Variants in LINGO1 observed in about 807,000 individuals in gnomAD.
LINGO1 encodes the protein leucine rich repeat and Ig domain containing 1.
In LINGO1, 11 loss-of-function variants were observed where a neutral mutation model predicts 37.3. The ratio of observed to expected loss-of-function variants is 0.29; its 90% CI spans 0.19 to 0.49. The LOEUF (loss-of-function observed/expected upper bound fraction) is 0.49. Among genes scored for constraint, LINGO1 ranks in the 20% least tolerant of loss-of-function variants. The pLI, the probability that LINGO1 is intolerant of heterozygous loss-of-function variation, is 0.99. For missense variants in LINGO1, 585 were observed against 878.2 expected (o/e 0.67, Z 4.22); for synonymous variants, 387 against 403.0 (o/e 0.96, Z 0.48).
chr15:77,711,354 G>C (rs767341635), intron 2 of LINGO1, among the ~76,000 whole-genome samples: 1 of 152,214 alleles, frequency 6.6e-6, no homozygotes, highest in Non-Finnish European at 1.5e-5. Context: ...CTGTGTCCCC[G>C]ACATTGAAGA....
chr15:77,721,345 C>G (rs2076048035), intron 2 of LINGO1, among the ~76,000 whole-genome samples: 1 of 152,100 alleles, frequency 6.6e-6, no homozygotes, highest in Non-Finnish European at 1.5e-5. Flanking sequence ...GCCCCTCTTC[C>G]CCCAGCCACT....
At chr15:77,788,917 T>C (rs2076796829), upstream of LINGO1, among the ~76,000 whole-genome samples, 2 of 152,232 alleles carry the variant, frequency 1.3e-5, no homozygotes, top group South Asian at 2.1e-4. Context: ...GTACACACCA[T>C]GTACCATGTT....
At chr15:77,620,467 C>A (rs901652445) in intron 1 of LINGO1, among the ~76,000 whole-genome samples, 1 of 152,210 alleles carries the variant, frequency 6.6e-6, no homozygotes, top group Admixed American at 6.5e-5. Context: ...ACCGGCCACA[C>A]CCTCCTTCAT....
chr15:77,736,985 G>C (rs1481062631), intron 1 of LINGO1, among the ~76,000 whole-genome samples: 1 of 152,160 alleles, frequency 6.6e-6, no homozygotes, highest in East Asian at 1.9e-4. Context: ...ATGCCACGTG[G>C]GGTGTACCCT....
rs996463802 is a variant in LINGO1 at position 77,632,853 on chromosome 15, G to C, written c.-538C>G. On this transcript the variant is annotated 5_prime_UTR_variant, in exon 1 of 2. Coordinates refer to ENST00000355300, the MANE Select transcript of LINGO1 (RefSeq NM_032808.7). The surrounding 1 kb of genome is among the most constrained non-coding windows in gnomAD (Gnocchi z 6.0). Reference sequence around the variant, plus strand: ...GCGCTGTCGCCCGCCGCCCGCTCCGGCTCCCGCGCCGGCTCCCGCTCGGGC... The same window carrying C: ...GCGCTGTCGCCCGCCGCCCGCTCCGCCTCCCGCGCCGGCTCCCGCTCGGGC... 6.7e-6 allele frequency among the ~76,000 whole-genome samples: 1 copy of C among 149,618 alleles called. No homozygotes were observed. Among genetic ancestry groups the C allele is most frequent in the Non-Finnish European group, 1.5e-5 (1 of 67,118 alleles).
intron 1 of LINGO1, among the ~76,000 whole-genome samples, chr15:77,773,425 C>G (rs1320779527): frequency 3.3e-5 from 5 of 152,192 alleles, no homozygotes. Context: ...AGAGTCCCGA[C>G]TTTACAGATG....
chr15:77,807,391 C>A (rs1287985037), intron 1 of LINGO1, among the ~76,000 whole-genome samples: 1 of 152,218 alleles, frequency 6.6e-6, no homozygotes, highest in Non-Finnish European at 1.5e-5. Context: ...ACTGGCCAAC[C>A]TTAATGGAAC....
At chr15:77,747,574 G>C (rs770012516) in intron 1 of LINGO1, among the ~76,000 whole-genome samples, 5 of 152,216 alleles carry the variant, frequency 3.3e-5, no homozygotes, top group Non-Finnish European at 7.3e-5. Flanking sequence ...GAGCTGTAGA[G>C]TGAGCACACT....
In LINGO1 at chr15:77,711,118, G is replaced by A. The variant is rs117474725; in HGVS notation, c.-194-20217C>T. On this transcript the variant is annotated intron_variant, in intron 2 of 3. Coordinates refer to the LINGO1 transcript ENST00000561686. ...CTCTCTGATCCATTTCATTAAACTC[G>A]CACCTCCCTTCAAAACCCAGCTCAA... Among the ~76,000 whole-genome samples the A allele has an allele frequency of 1.8e-3, 276 of 151,996 alleles. 1 individual carries two copies. Among genetic ancestry groups the A allele is most frequent in the Non-Finnish European group, 2.2e-3 (149 of 68,002 alleles).
At chr15:77,674,732 T>C (rs896277740) in intron 3 of LINGO1, among the ~76,000 whole-genome samples, 3 of 151,982 alleles carry the variant, frequency 2.0e-5, no homozygotes, top group African/African-American at 7.2e-5. Context: ...ATGACGACCA[T>C]GTCCAAGTTG....
At chr15:77,649,871 C>T (rs570385508) in intron 3 of LINGO1, among the ~76,000 whole-genome samples, 41 of 151,886 alleles carry the variant, frequency 2.7e-4, no homozygotes, top group African/African-American at 9.2e-4. Flanking sequence ...ATCTTTTCCC[C>T]GCGACTCCTA....
At chr15:77,779,547 T>G (rs2076694350) in intron 1 of LINGO1, among the ~76,000 whole-genome samples, 1 of 151,990 alleles carries the variant, frequency 6.6e-6, no homozygotes, top group South Asian at 2.1e-4. Flanking sequence ...AGGCATTAGA[T>G]TCTCCTAAGG....
intron 1 of LINGO1, among the ~76,000 whole-genome samples, chr15:77,764,732 G>A (rs904008524): frequency 3.3e-5 from 5 of 152,214 alleles, no homozygotes; most frequent in African/African-American, 4.8e-5. Flanking sequence ...GGAAGGTGAT[G>A]CAAGCACTGG....
chr15:77,815,613 T>C (rs747883119), intron 1 of LINGO1, among the ~76,000 whole-genome samples: 6 of 152,146 alleles, frequency 3.9e-5, no homozygotes, highest in African/African-American at 9.7e-5. Context: ...AAGGCCAGTA[T>C]TGGAGGCTGC....
intron 1 of LINGO1, among the ~76,000 whole-genome samples, chr15:77,627,693 C>T (rs2074135831): frequency 6.6e-6 from 1 of 152,212 alleles, no homozygotes; most frequent in Admixed American, 6.5e-5. Context: ...AGGACCACTC[C>T]TTCCCATCCT....
chr15:77,697,473 G>C (rs1336807165), upstream of LINGO1, among the ~76,000 whole-genome samples: 3 of 152,144 alleles, frequency 2.0e-5, no homozygotes, highest in African/African-American at 4.8e-5. Context: ...CCAACTCCAG[G>C]ACAGGTCAGA....
intron 2 of LINGO1, among the ~76,000 whole-genome samples, chr15:77,712,725 A>C (rs1441072232): frequency 1.1e-4 from 17 of 152,114 alleles, no homozygotes; most frequent in Admixed American, 1.1e-3. Context: ...GGGGAAGCAG[A>C]AGCCAGCAAA....
chr15:77,671,617 C>A (rs1049272000), intron 3 of LINGO1, among the ~76,000 whole-genome samples: 1 of 152,224 alleles, frequency 6.6e-6, no homozygotes, highest in Non-Finnish European at 1.5e-5. Context: ...ATTCTCCCTG[C>A]CCCCATGCAG....
intron 1 of LINGO1, among the ~76,000 whole-genome samples, chr15:77,628,064 G>A (rs1332145906): frequency 6.6e-6 from 1 of 152,220 alleles, no homozygotes; most frequent in African/African-American, 2.4e-5. Flanking sequence ...ACAATACCGA[G>A]TGTTGATCAG....
Sources: allele counts gnomAD v4.1 joint callset (sites outside exome capture counted in the v4.1 genomes callset), GRCh38; gene constraint gnomAD v4.1.1; non-coding constraint Gnocchi (gnomAD v3.1); transcripts MANE v1.5; gene names NCBI Gene and HGNC (gene_info 2026-07-23, HGNC 2026-07-21).